Variants in OLFM2 observed in about 807,000 individuals in gnomAD.
OLFM2 encodes the protein noelin-2.
Under a neutral mutation model 43.9 loss-of-function variants are expected in OLFM2, and 20 were observed. The observed-to-expected ratio is 0.46, with a 90% CI of 0.32 to 0.66. The LOEUF (loss-of-function observed/expected upper bound fraction) is 0.66, where lower values mean the gene tolerates loss of function less well. Ranked by LOEUF, OLFM2 falls within the 30% of genes least tolerant of loss-of-function variation. The probability of loss-of-function intolerance (pLI) is 0.04; values close to 1 mark genes in which losing one functional copy is unlikely to be tolerated. For synonymous variants in OLFM2, 268 were observed against 278.6 expected, an observed-to-expected ratio of 0.96 and a Z score of 0.38; for missense variants, 416 against 643.6, an observed-to-expected ratio of 0.65 and a Z score of 3.83.
Position 9,853,976 on chromosome 19 carries a change from T to A in OLFM2, c.*210A>T. 1 of 580,158 alleles carries A rather than the reference T, an allele frequency of 1.7e-6. No homozygotes were observed. The highest frequency in any genetic ancestry group is 3.0e-6 in the Non-Finnish European group (1 of 328,206). The allele number at this position is 580,158 out of a possible 1,614,324, so 35.9% of individuals were successfully genotyped here. A position where few individuals can be genotyped will look rare whatever the true frequency, so the allele number is the denominator to read the frequency against. On this transcript the variant is annotated 3_prime_UTR_variant, in exon 6 of 6. Transcript: ENST00000264833. Reference sequence around the variant, plus strand: ...TAAAAAGGCAGAAAGAAAGAAGTGGTGTATTAAAAGCAGAGATCAATAAAG... The same window carrying A: ...TAAAAAGGCAGAAAGAAAGAAGTGGAGTATTAAAAGCAGAGATCAATAAAG...
At chr19:9,867,567 C>T (rs1471622462) in intron 1 of OLFM2, among the ~76,000 whole-genome samples, 1 of 152,066 alleles carries the variant, frequency 6.6e-6, no homozygotes, top group Non-Finnish European at 1.5e-5. Flanking sequence ...ATCAGGAAGC[C>T]AAGGCACCTT....
At chr19:9,899,992 C>T (rs567915162) in intron 1 of OLFM2, among the ~76,000 whole-genome samples, 2 of 152,086 alleles carry the variant, frequency 1.3e-5, no homozygotes, top group Admixed American at 1.3e-4. Context: ...TCTCACGTGT[C>T]CCCCTGGCAC....
At chr19:9,892,343 G>A (rs2046647207) in intron 1 of OLFM2, among the ~76,000 whole-genome samples, 1 of 152,192 alleles carries the variant, frequency 6.6e-6, no homozygotes, top group African/African-American at 2.4e-5. Context: ...CAGCCACCCT[G>A]GGCATCCCTA....
intron 1 of OLFM2, among the ~76,000 whole-genome samples, chr19:9,936,047 C>T (rs1209076343): frequency 6.6e-6 from 1 of 151,642 alleles, no homozygotes; most frequent in Non-Finnish European, 1.5e-5. Context: ...GGGCTCGGGG[C>T]CATGGAGGGG....
rs1162013550 is a variant in OLFM2, at chr19:9,860,740, G to C, written c.118C>G (p.Pro40Ala). The C allele has an allele frequency of 6.2e-7, 1 of 1,609,578 alleles. No homozygotes were observed. The highest frequency in any genetic ancestry group is 8.5e-7 in the Non-Finnish European group (1 of 1,178,346). ...GCCGTGCAGATGCATTTCCCGTCAG[G>C]GGCCTGGGCTGAGGTGTACAGCTGC... ...GWQLYTSAQA[P>A]DGKCICTAVI... is the part of the protein sequence containing the mutation. Residue 40 changes from proline (P) to alanine (A), a missense_variant, in exon 2 of 6, where the codon CCT becomes GCT. Transcript: ENST00000264833.
chr19:9,863,832 G>A (rs56836166), intron 1 of OLFM2, among the ~76,000 whole-genome samples: 5,319 of 152,140 alleles, frequency 0.035, 312 homozygotes, highest in African/African-American at 0.12. Flanking sequence ...AATCTATAAG[G>A]AAAACAAACC....
intron 1 of OLFM2, among the ~76,000 whole-genome samples, chr19:9,866,463 C>A (rs376967941): frequency 6.7e-6 from 1 of 150,284 alleles, no homozygotes; most frequent in East Asian, 1.9e-4. Flanking sequence ...TGTCTCACCT[C>A]GGATGTGGCA....
chr19:9,934,011 CAGTT>C (rs1421654047), intron 1 of OLFM2, among the ~76,000 whole-genome samples: 1 of 152,032 alleles, frequency 6.6e-6, no homozygotes, highest in Non-Finnish European at 1.5e-5. Flanking sequence ...TTTGATGACT[CAGTT>C]GGTGGCTGTA....
chr19:9,892,236 G>A (rs944830084), intron 1 of OLFM2, among the ~76,000 whole-genome samples: 1 of 152,114 alleles, frequency 6.6e-6, no homozygotes, highest in Non-Finnish European at 1.5e-5. Context: ...CTGCTGCTGT[G>A]TGGATATGTG....
intron 1 of OLFM2, among the ~76,000 whole-genome samples, chr19:9,889,685 G>A (rs2046620871): frequency 6.6e-6 from 1 of 152,190 alleles, no homozygotes; most frequent in Non-Finnish European, 1.5e-5. Context: ...ACCCAGGCAG[G>A]TGTGAACACG....
At chr19:9,862,834 G>A (rs1310066465) in intron 1 of OLFM2, among the ~76,000 whole-genome samples, 8 of 151,978 alleles carry the variant, frequency 5.3e-5, no homozygotes, top group Non-Finnish European at 8.8e-5. Context: ...AATTAGCCGG[G>A]CATGGTGATG....
intron 1 of OLFM2, among the ~76,000 whole-genome samples, chr19:9,865,999 T>C (rs1253087804): frequency 6.6e-6 from 1 of 152,118 alleles, no homozygotes. Flanking sequence ...AGCGTGTCCG[T>C]TGAAGCAAAT....
chr19:9,913,288 C>G (rs1469041967), intron 1 of OLFM2, among the ~76,000 whole-genome samples: 1 of 152,120 alleles, frequency 6.6e-6, no homozygotes, highest in Non-Finnish European at 1.5e-5. Context: ...CTAGGGGTCC[C>G]GGGGCTCCTT....
chr19:9,894,409 T>TAATAAA (rs1555726684), intron 1 of OLFM2, among the ~76,000 whole-genome samples: 2 of 100,526 alleles, frequency 2.0e-5, no homozygotes, highest in African/African-American at 7.7e-5. Flanking sequence ...ATAATAATAA[T>TAATAAA]AATAAATAAA....
chr19:9,929,983 G>A (rs2086473059), intron 1 of OLFM2, among the ~76,000 whole-genome samples: 1 of 152,138 alleles, frequency 6.6e-6, no homozygotes, highest in African/African-American at 2.4e-5. Flanking sequence ...AGGTTGCGGT[G>A]AGCCGAGATC....
chr19:9,934,342 C>T (rs1040700262), intron 1 of OLFM2, among the ~76,000 whole-genome samples: 5 of 152,190 alleles, frequency 3.3e-5, no homozygotes, highest in Non-Finnish European at 4.4e-5. Context: ...TGGCCACGCC[C>T]CCGTTGTCCT....
intron 1 of OLFM2, among the ~76,000 whole-genome samples, chr19:9,933,800 A>T (rs568924062): frequency 1.3e-5 from 2 of 152,098 alleles, no homozygotes; most frequent in South Asian, 4.2e-4. Flanking sequence ...CAGGCGATCC[A>T]CTTGCCTCAA....
chr19:9,865,848 T>A (rs1329664524), intron 1 of OLFM2, among the ~76,000 whole-genome samples: 1 of 145,948 alleles, frequency 6.9e-6, no homozygotes, highest in Non-Finnish European at 1.5e-5. Context: ...AAGAAAAACA[T>A]CAAACAGGAG....
At chr19:9,934,705 G>A (rs1320603645) in intron 1 of OLFM2, among the ~76,000 whole-genome samples, 1 of 152,102 alleles carries the variant, frequency 6.6e-6, no homozygotes, top group Admixed American at 6.6e-5. Flanking sequence ...TATTGTGTGT[G>A]TCCTCATGCC....
Sources: allele counts gnomAD v4.1 joint callset (sites outside exome capture counted in the v4.1 genomes callset), GRCh38; gene constraint gnomAD v4.1.1; transcripts MANE v1.5; gene names NCBI Gene and HGNC (gene_info 2026-07-23, HGNC 2026-07-21).